The following DGKI variants were observed in gnomAD, a reference collection of about 807,000 sequenced individuals.
DGKI encodes the protein DAG kinase iota.
DGKI carries 55 observed loss-of-function variants against 147.5 expected under a neutral mutation model. The ratio of observed to expected loss-of-function variants is 0.37; its 90% confidence interval spans 0.30 to 0.47. The LOEUF (loss-of-function observed/expected upper bound fraction) is 0.47, where lower values mean the gene tolerates loss of function less well. Among genes scored for constraint, DGKI ranks in the 20% least tolerant of loss-of-function variants. The probability of loss-of-function intolerance (pLI) is 1.00; values close to 1 mark genes in which losing one functional copy is unlikely to be tolerated. For synonymous variants in DGKI, 469 were observed against 477.1 expected, an observed-to-expected ratio of 0.98 and a Z score of 0.22; for missense variants, 1,007 against 1,323.8, an observed-to-expected ratio of 0.76 and a Z score of 3.71.
intron 1 of DGKI, among the ~76,000 whole-genome samples, chr7:137,750,158 G>T (rs1488045807): frequency 6.6e-6 from 1 of 152,140 alleles, no homozygotes. Flanking sequence ...GAATAAAGAA[G>T]AAAGATACCC....
intron 1 of DGKI, among the ~76,000 whole-genome samples, chr7:137,737,220 A>T (rs1420414179): frequency 6.6e-6 from 1 of 151,474 alleles, no homozygotes; most frequent in African/African-American, 2.4e-5. Context: ...AAAAAAAAAA[A>T]AAAAAATACA....
chr7:137,481,749 T>C (rs1815380658), intron 23 of DGKI, among the ~76,000 whole-genome samples: 1 of 152,100 alleles, frequency 6.6e-6, no homozygotes, highest in Admixed American at 6.6e-5. Flanking sequence ...TAAGGTGTCT[T>C]GGGCACGTGT....
chr7:137,496,808 T>C lies in DGKI; in HGVS notation c.2249-9119A>G, dbSNP rs189701494. On this transcript the variant is annotated intron_variant, in intron 21 of 32. Transcript: ENST00000614521. Reference sequence around the variant, plus strand: ...ATACAAAAATCATCTCAATATGGATTAAAGACTTAAATGTAAAACCTAGAC... The same window carrying C: ...ATACAAAAATCATCTCAATATGGATCAAAGACTTAAATGTAAAACCTAGAC... Among the ~76,000 whole-genome samples, 1,153 of 152,230 alleles carry C rather than the reference T, an allele frequency of 7.6e-3. 11 individuals carry two copies. Among genetic ancestry groups the C allele is most frequent in the African/African-American group, 0.026 (1,097 of 41,542 alleles).
rs867232795 is a variant in DGKI at position 137,386,952 on chromosome 7, T to G, written c.*4268A>C. 5.3e-5 allele frequency: 8 copies of G among 152,256 alleles called. No homozygotes were observed. In the East Asian group the frequency reaches 1.5e-3, roughly 29 times the overall value. The allele number at this position is 152,256 out of a possible 1,614,324, so 9.4% of individuals were successfully genotyped here. ...TAAATAGAACAATTAGTAGTTTTAT[T>G]TGATGGTTATGATGAGCCATTTTAA... On this transcript the variant is annotated 3_prime_UTR_variant, in exon 33 of 33. Coordinates refer to ENST00000614521, the MANE Select transcript of DGKI (RefSeq NM_001321708.2).
At chr7:137,774,236 C>T (rs1045823718) in intron 1 of DGKI, among the ~76,000 whole-genome samples, 1 of 151,846 alleles carries the variant, frequency 6.6e-6, no homozygotes, top group Non-Finnish European at 1.5e-5. Flanking sequence ...TGAAAAGGTA[C>T]ATTACAAACA....
intron 15 of DGKI, among the ~76,000 whole-genome samples, chr7:137,580,869 AG>A (rs746861185): frequency 8.5e-5 from 13 of 152,188 alleles, no homozygotes; most frequent in Non-Finnish European, 1.6e-4. Context: ...CATAACCTGG[AG>A]GGAAAAAAGT....
chr7:137,635,606 T>C (rs1382818213), intron 6 of DGKI, among the ~76,000 whole-genome samples: 1 of 152,086 alleles, frequency 6.6e-6, no homozygotes, highest in Non-Finnish European at 1.5e-5. Context: ...GACCATGAGA[T>C]CCACTGGACT....
chr7:137,575,463 C>T (rs1397184013), intron 17 of DGKI, among the ~76,000 whole-genome samples: 2 of 152,186 alleles, frequency 1.3e-5, no homozygotes, highest in Non-Finnish European at 2.9e-5. Flanking sequence ...AATCCGGTGA[C>T]TTGCACAGTA....
intron 1 of DGKI, among the ~76,000 whole-genome samples, chr7:137,715,584 T>C (rs1213329214): frequency 1.3e-5 from 2 of 152,194 alleles, no homozygotes; most frequent in Non-Finnish European, 1.5e-5. Flanking sequence ...AGAATCACTA[T>C]TAAAGTCCCA....
At chr7:137,719,433 A>C (rs1794479951) in intron 1 of DGKI, among the ~76,000 whole-genome samples, 1 of 151,868 alleles carries the variant, frequency 6.6e-6, no homozygotes, top group South Asian at 2.1e-4. Flanking sequence ...CAAACCTATC[A>C]TTTTCTAGGC....
chr7:137,545,975 G>C (rs1233774849), intron 20 of DGKI: 2 of 702,000 alleles, frequency 2.8e-6, no homozygotes, highest in Non-Finnish European at 5.2e-6. Context: ...AGAGGCAGCA[G>C]GGAATGAGCA....
chr7:137,510,158 G>C (rs1816531744), intron 21 of DGKI, among the ~76,000 whole-genome samples: 1 of 152,182 alleles, frequency 6.6e-6, no homozygotes, highest in Non-Finnish European at 1.5e-5. Context: ...AGGAACCAAA[G>C]GTCCAGACCA....
intron 20 of DGKI, chr7:137,546,084 C>G (rs1817855374): frequency 5.3e-6 from 3 of 566,222 alleles, no homozygotes; most frequent in Non-Finnish European, 9.6e-6. Flanking sequence ...ATGAGCGCAT[C>G]ACCGAACAGC....
At chr7:137,828,968 T>C (rs1011596449) in intron 1 of DGKI, among the ~76,000 whole-genome samples, 1 of 152,212 alleles carries the variant, frequency 6.6e-6, no homozygotes, top group African/African-American at 2.4e-5. Context: ...ATATCCTTCA[T>C]CTTGAATGAT....
At chr7:137,638,529 C>T (rs1337826668) in intron 6 of DGKI, among the ~76,000 whole-genome samples, 1 of 108,812 alleles carries the variant, frequency 9.2e-6, no homozygotes, top group Non-Finnish European at 1.8e-5. Context: ...TATATATACA[C>T]ACACATATAT....
At chr7:137,733,335 A>G (rs961476125) in intron 1 of DGKI, among the ~76,000 whole-genome samples, 3 of 152,004 alleles carry the variant, frequency 2.0e-5, no homozygotes, top group Admixed American at 6.6e-5. Context: ...AAGTGAAATC[A>G]TACTGTATTT....
At chr7:137,424,227 C>A (rs980375190) in intron 28 of DGKI, among the ~76,000 whole-genome samples, 11 of 152,078 alleles carry the variant, frequency 7.2e-5, no homozygotes, top group Admixed American at 7.2e-4. Context: ...CTGAAGCATG[C>A]CCAAGACATA....
chr7:137,734,932 G>A (rs984060450), intron 1 of DGKI, among the ~76,000 whole-genome samples: 31 of 152,110 alleles, frequency 2.0e-4, no homozygotes, highest in African/African-American at 7.0e-4. Flanking sequence ...ACACATCACC[G>A]CTGATCATGA....
At chr7:137,793,730 TGA>T (rs1471032654) in intron 1 of DGKI, among the ~76,000 whole-genome samples, 2 of 152,208 alleles carry the variant, frequency 1.3e-5, no homozygotes, top group African/African-American at 4.8e-5. Context: ...CTCCTTAATG[TGA>T]TTCCTACAAT....
Sources: gnomAD v4.1 joint callset for allele counts (sites outside exome capture counted in the v4.1 genomes callset) on GRCh38, gnomAD v4.1.1 for gene constraint, MANE v1.5 for transcripts, NCBI Gene and HGNC (gene_info 2026-07-23, HGNC 2026-07-21) for gene names.